Variants in HEG1 observed in about 807,000 individuals in gnomAD.
The protein encoded by HEG1 is protein HEG homolog 1.
Under a neutral mutation model 125.6 loss-of-function variants are expected in HEG1, and 56 were observed. The observed-to-expected ratio is 0.45, with a 90% CI of 0.36 to 0.56. HEG1 has a LOEUF of 0.56. Among genes scored for constraint, HEG1 ranks in the 20% least tolerant of loss-of-function variants. The pLI is 0.00. For missense variants in HEG1, 1,523 were observed against 1,670.0 expected (o/e 0.91, Z 1.53); for synonymous variants, 644 against 668.5 (o/e 0.96, Z 0.57).
intron 14 of HEG1, among the ~76,000 whole-genome samples, chr3:124,983,064 G>A (rs1395614822): frequency 1.3e-5 from 2 of 152,154 alleles, no homozygotes; most frequent in Non-Finnish European, 2.9e-5. Flanking sequence ...GAAGCTCCTC[G>A]CTACCCCCAG....
intron 1 of HEG1, among the ~76,000 whole-genome samples, chr3:125,041,438 G>A (rs954015706): frequency 6.6e-6 from 1 of 152,172 alleles, no homozygotes; most frequent in Non-Finnish European, 1.5e-5. Flanking sequence ...TTATCAAAAA[G>A]GAAGAATGGA....
chr3:125,001,232 T>C (rs530828404), intron 11 of HEG1, among the ~76,000 whole-genome samples: 1 of 150,402 alleles, frequency 6.6e-6, no homozygotes, highest in Non-Finnish European at 1.5e-5. Flanking sequence ...ATACTGCACA[T>C]GCTTTTTTTT....
At chr3:124,985,089 C>T (rs1302440525) in intron 14 of HEG1, among the ~76,000 whole-genome samples, 1 of 152,182 alleles carries the variant, frequency 6.6e-6, no homozygotes, top group East Asian at 1.9e-4. Context: ...CAGTGTTTCT[C>T]TAACTTTAAT....
At position 125,020,944 on chromosome 3, in the gene HEG1, G is replaced by A. The variant is rs369891925; in HGVS notation, c.1100C>T (p.Thr367Met). 1.1e-4 allele frequency: 182 copies of A among 1,613,826 alleles called. No individual in the cohort carries two copies. In the East Asian group the frequency reaches 1.1e-3, roughly 10 times the overall value. ...TGAAAGAAGGACTGAGGATGAAGTC[G>A]TGGCAATTCTGGAGTCCTTGGGGAA... ...EGFPKDSRIA[T>M]TSSSVLLSPS... The change falls in exon 4 of 17, where the codon ACG (threonine) becomes ATG (methionine). Residue 367 changes from threonine (T) to methionine (M), a missense_variant. Coordinates refer to ENST00000311127, the MANE Select transcript of HEG1 (RefSeq NM_020733.2).
intron 14 of HEG1, among the ~76,000 whole-genome samples, chr3:124,985,707 C>A (rs907979378): frequency 6.6e-6 from 1 of 152,174 alleles, no homozygotes; most frequent in Non-Finnish European, 1.5e-5. Flanking sequence ...GCCTGCGCTG[C>A]CCAGGAGTGG....
In HEG1 at chr3:124,997,902, C is replaced by A; in HGVS notation, c.3518-79G>T. Reference sequence around the variant, plus strand: ...CCTTAAAATCTCCTCCACTTCAAAGCTCATGTGTCTGCATGAACTCTCTAT... The same window carrying A: ...CCTTAAAATCTCCTCCACTTCAAAGATCATGTGTCTGCATGAACTCTCTAT... On this transcript the variant is annotated intron_variant, in intron 11 of 16. Coordinates refer to ENST00000311127, the MANE Select transcript of HEG1 (RefSeq NM_020733.2). 2.8e-6 allele frequency: 4 copies of A among 1,405,928 alleles called. No homozygotes were observed. In the South Asian group the frequency reaches 6.5e-5, roughly 23 times the overall value. 87.1% of individuals were successfully genotyped at this position (1,405,928 alleles called of 1,614,324 possible). A position where few individuals can be genotyped will look rare whatever the true frequency, so the allele number is the denominator to read the frequency against.
chr3:125,032,596 C>T (rs1937511944), intron 1 of HEG1, among the ~76,000 whole-genome samples: 1 of 152,234 alleles, frequency 6.6e-6, no homozygotes, highest in African/African-American at 2.4e-5. Context: ...GGGCATGTCC[C>T]TTTGTTCTAC....
In HEG1 at chr3:125,044,848, G is replaced by T. The variant is rs74748574; in HGVS notation, c.316+10727C>A. On this transcript the variant is annotated intron_variant, in intron 1 of 16. Coordinates refer to ENST00000311127, the MANE Select transcript of HEG1 (RefSeq NM_020733.2). ...GGGGATGTCTCACTAAGGACACTGG[G>T]ATCCAAACTGCAATTTCCTGACACA... 3.5e-3 allele frequency among the ~76,000 whole-genome samples: 527 copies of T among 152,276 alleles called. 3 individuals are homozygous for T. The highest frequency in any genetic ancestry group is 8.0e-3 in the Admixed American group (123 of 15,300).
At chr3:125,008,585 G>C (rs1937105513) in intron 8 of HEG1, among the ~76,000 whole-genome samples, 1 of 152,220 alleles carries the variant, frequency 6.6e-6, no homozygotes, top group African/African-American at 2.4e-5. Flanking sequence ...CAGATCACTT[G>C]AGGTCAGGAG....
chr3:125,027,272 T>G lies in HEG1; in HGVS notation c.846A>C (p.Gly282=). ...AGAAATGCAGCCAGGAGAGATCTGG[T>G]CCTGAGGAATTTCTCTTCCTAGAAG... ...TTPSRKRNSS[G]PDLSWLHFYR... Residue 282 remains glycine, a synonymous_variant, in exon 3 of 17, where the codon GGA becomes GGC. Coordinates refer to ENST00000311127, the MANE Select transcript of HEG1 (RefSeq NM_020733.2). 1 of 1,613,252 alleles carries G rather than the reference T, an allele frequency of 6.2e-7. No individual in the cohort carries two copies. The highest frequency in any genetic ancestry group is 8.5e-7 in the Non-Finnish European group (1 of 1,179,650).
At chr3:125,053,723 C>G (rs559102688) in intron 1 of HEG1, among the ~76,000 whole-genome samples, 3 of 152,322 alleles carry the variant, frequency 2.0e-5, no homozygotes, top group South Asian at 2.1e-4. Context: ...AGGAATCAAA[C>G]TGGGAAAGCC....
At chr3:124,997,253 T>C (rs1936936035) in intron 12 of HEG1, among the ~76,000 whole-genome samples, 2 of 152,168 alleles carry the variant, frequency 1.3e-5, no homozygotes, top group Admixed American at 1.3e-4. Context: ...CCCAAGGTGA[T>C]ACATGATCAG....
intron 12 of HEG1, 148 bp downstream of exon 12, chr3:124,997,541 C>A (rs1936940234): frequency 1.6e-6 from 1 of 641,122 alleles, no homozygotes; most frequent in African/African-American, 1.8e-5. Context: ...GTATTCAATC[C>A]TGCCACGAGC....
intron 12 of HEG1, among the ~76,000 whole-genome samples, chr3:124,993,504 C>T (rs774624564): frequency 6.6e-6 from 1 of 152,150 alleles, no homozygotes. Flanking sequence ...TGGCCCTCCT[C>T]CTGTGTATGC....
At chr3:125,024,675 G>A (rs902124951) in intron 3 of HEG1, among the ~76,000 whole-genome samples, 5 of 152,208 alleles carry the variant, frequency 3.3e-5, no homozygotes, top group African/African-American at 1.2e-4. Context: ...TTTGGTTTTG[G>A]AAGCAGGTAA....
intron 14 of HEG1, among the ~76,000 whole-genome samples, chr3:124,980,872 T>C (rs918965645): frequency 1.3e-5 from 2 of 151,488 alleles, no homozygotes; most frequent in African/African-American, 4.9e-5. Flanking sequence ...TTTTTTTTTT[T>C]TGAGACAGGT....
In HEG1 at chr3:124,970,474, G is replaced by A. The variant is rs2107684714; in HGVS notation, c.*178C>T. 1.7e-6 allele frequency: 1 copy of A among 593,366 alleles called. No individual in the cohort carries two copies. The highest frequency in any genetic ancestry group is 2.0e-5 in the South Asian group (1 of 48,790). 36.8% of individuals were successfully genotyped at this position (593,366 alleles called of 1,614,324 possible). On this transcript the variant is annotated 3_prime_UTR_variant, in exon 17 of 17. Transcript: ENST00000311127. ...AACAAAGGTGCTGAATGAGCAGCCT[G>A]TGGTTCCACATCCACCTGTCTCCTC... is the stretch of plus-strand genomic sequence containing the variant.
chr3:125,016,834 A>G (rs983933862), intron 5 of HEG1, among the ~76,000 whole-genome samples: 2 of 152,248 alleles, frequency 1.3e-5, no homozygotes, highest in Non-Finnish European at 2.9e-5. Flanking sequence ...CTTTACATTG[A>G]TAACAGACTG....
chr3:125,002,342 A>T, intron 9 of HEG1, 27 bp from the exon 10 acceptor site: 1 of 1,599,466 alleles, frequency 6.3e-7, no homozygotes, highest in Non-Finnish European at 8.6e-7. Context: ...GCCTGTCGTT[A>T]ACAGTGAGTT....
Sources: gnomAD v4.1 joint callset for allele counts (sites outside exome capture counted in the v4.1 genomes callset) on GRCh38, gnomAD v4.1.1 for gene constraint, MANE v1.5 for transcripts, NCBI Gene and HGNC (gene_info 2026-07-23, HGNC 2026-07-21) for gene names.